Variants in PAPPA2 observed in about 807,000 individuals in gnomAD.
PAPPA2 encodes the protein pappalysin-2.
PAPPA2 carries 86 observed loss-of-function variants against 176.4 expected under a neutral mutation model. The ratio of observed to expected loss-of-function variants is 0.49; its 90% CI spans 0.41 to 0.58. The LOEUF is 0.58. Among genes scored for constraint, PAPPA2 ranks in the 20% least tolerant of loss-of-function variants. The pLI is 0.00. For synonymous variants in PAPPA2, 809 were observed against 852.2 expected (o/e 0.95, Z 0.88); for missense variants, 2,073 against 2,256.9 (o/e 0.92, Z 1.65).
chr1:176,648,590 A>G (rs12141051), intron 3 of PAPPA2, among the ~76,000 whole-genome samples: 10,061 of 151,554 alleles, frequency 0.066, 367 homozygotes, highest in South Asian at 0.14. Flanking sequence ...GGCTTTTATT[A>G]TTTTAAGGTA....
intron 4 of PAPPA2, among the ~76,000 whole-genome samples, chr1:176,688,044 C>T (rs919686578): frequency 5.9e-5 from 9 of 151,998 alleles, no homozygotes; most frequent in African/African-American, 2.2e-4. Context: ...TTTATGAACA[C>T]AATTTGGGAA....
chr1:176,755,820 T>C (rs1663388741), intron 14 of PAPPA2, among the ~76,000 whole-genome samples: 11 of 152,168 alleles, frequency 7.2e-5, no homozygotes, highest in Admixed American at 7.2e-4. Flanking sequence ...TGCTGTTGAC[T>C]GGAAGCATTA....
intron 1 of PAPPA2, among the ~76,000 whole-genome samples, chr1:176,486,022 G>C (rs1412155089): frequency 6.6e-6 from 1 of 152,198 alleles, no homozygotes; most frequent in East Asian, 1.9e-4. Context: ...GAAACTAATG[G>C]AAGTTAAGGG....
intron 17 of PAPPA2, among the ~76,000 whole-genome samples, chr1:176,781,224 T>C (rs1453594888): frequency 1.3e-5 from 2 of 151,900 alleles, no homozygotes; most frequent in Non-Finnish European, 2.9e-5. Context: ...TCTGGAGACA[T>C]AAGATTTAGA....
chr1:176,587,667 C>T (rs1653399065), intron 2 of PAPPA2, among the ~76,000 whole-genome samples: 1 of 152,150 alleles, frequency 6.6e-6, no homozygotes. Flanking sequence ...GGTAATAGGA[C>T]CATGCTGTGT....
intron 21 of PAPPA2, among the ~76,000 whole-genome samples, chr1:176,817,727 T>TA (rs60368860): frequency 1.3e-3 from 184 of 144,164 alleles, no homozygotes; most frequent in East Asian, 0.012. Flanking sequence ...TAACCTCTGT[T>TA]AAAAAAAAAA....
intron 2 of PAPPA2, among the ~76,000 whole-genome samples, chr1:176,591,304 G>T (rs191920146): frequency 1.0e-3 from 153 of 152,224 alleles, no homozygotes; most frequent in African/African-American, 3.4e-3. Flanking sequence ...CAGTCTGACT[G>T]GTGATCAAGG....
chr1:176,765,788 G>A lies in PAPPA2; in HGVS notation c.4274G>A (p.Arg1425Lys). The A allele has an allele frequency of 6.2e-7, 1 of 1,614,136 alleles. No individual in the cohort carries two copies. Among genetic ancestry groups the A allele is most frequent in the Non-Finnish European group, 8.5e-7 (1 of 1,180,022 alleles). The part of the protein sequence containing the change: ...GLMKCAITCQ[R>K]GFALQASSGQ... ...ATGAAGTGTGCTATCACTTGTCAAAGGGGATTTGCCCTTCAGGCCAGCAGT... is the reference window on the plus strand; with the variant it reads ...ATGAAGTGTGCTATCACTTGTCAAAAGGGATTTGCCCTTCAGGCCAGCAGT... The change falls in exon 15 of 23, where the codon AGG becomes AAG. Residue 1425 changes from arginine (R) to lysine (K), a missense_variant. By Grantham distance (26) the Arg-to-Lys change is conservative. Transcript: ENST00000367662.
chr1:176,708,099 A>G (rs1004919713), intron 10 of PAPPA2, among the ~76,000 whole-genome samples: 1 of 152,176 alleles, frequency 6.6e-6, no homozygotes, highest in African/African-American at 2.4e-5. Context: ...CGCATATTAA[A>G]TGCAATATAT....
At chr1:176,803,017 T>A (rs1382488293) in intron 21 of PAPPA2, among the ~76,000 whole-genome samples, 1 of 152,236 alleles carries the variant, frequency 6.6e-6, no homozygotes, top group Non-Finnish European at 1.5e-5. Context: ...AATCCAAAAT[T>A]GTTGGTACGT....
chr1:176,658,733 A>G (rs1329507424), intron 3 of PAPPA2, among the ~76,000 whole-genome samples: 1 of 152,084 alleles, frequency 6.6e-6, no homozygotes, highest in East Asian at 1.9e-4. Flanking sequence ...AATCAATGCT[A>G]TAGTGGTGCT....
chr1:176,662,529 A>G (rs1292960231), intron 3 of PAPPA2, among the ~76,000 whole-genome samples: 1 of 148,958 alleles, frequency 6.7e-6, no homozygotes, highest in Non-Finnish European at 1.5e-5. Context: ...AAAATTTATC[A>G]TTCTTTGCAC....
chr1:176,719,385 T>G lies in PAPPA2; in HGVS notation c.3798+7404T>G, dbSNP rs138420805. Among the ~76,000 whole-genome samples the G allele has an allele frequency of 7.6e-3, 1,157 of 152,294 alleles. 16 individuals carry two copies. The highest frequency in any genetic ancestry group is 0.026 in the African/African-American group (1,099 of 41,564). On this transcript the variant is annotated intron_variant, in intron 12 of 22. Coordinates refer to ENST00000367662, the MANE Select transcript of PAPPA2 (RefSeq NM_020318.3). ...AAAAACAAAACTTACGAAGAATACT[T>G]TAAACATTGTTTGCCTTTTCCTCAT...
chr1:176,630,809 G>C (rs935109752), intron 3 of PAPPA2, among the ~76,000 whole-genome samples: 8 of 152,186 alleles, frequency 5.3e-5, no homozygotes, highest in Non-Finnish European at 1.2e-4. Context: ...GCTCGTTTGG[G>C]AGTGGGAAGT....
At chr1:176,766,039 G>A (rs1015318670) in intron 15 of PAPPA2, among the ~76,000 whole-genome samples, 1 of 152,218 alleles carries the variant, frequency 6.6e-6, no homozygotes, top group African/African-American at 2.4e-5. Flanking sequence ...GATTAAGTGG[G>A]TTGGTGGGCA....
chr1:176,731,419 T>A lies in PAPPA2; in HGVS notation c.3799-8207T>A, dbSNP rs550789576. Among the ~76,000 whole-genome samples the A allele has an allele frequency of 2.0e-5, 3 of 151,882 alleles. No homozygotes were observed. The South Asian group carries it at 6.2e-4, about 32-fold the overall frequency. ...GGTTCAAGCAATTCTCTTTTCTCAG[T>A]CTCCCTAGTAGCTGGGATTATAGGT... On this transcript the variant is annotated intron_variant, in intron 12 of 22. Transcript: ENST00000367662.
At chr1:176,762,010 A>G (rs1373619202) in intron 14 of PAPPA2, among the ~76,000 whole-genome samples, 2 of 152,178 alleles carry the variant, frequency 1.3e-5, no homozygotes, top group African/African-American at 4.8e-5. Context: ...CAACAATCTC[A>G]CTCAGAGAAG....
At chr1:176,754,587 G>A (rs1663331918) in intron 14 of PAPPA2, among the ~76,000 whole-genome samples, 1 of 152,204 alleles carries the variant, frequency 6.6e-6, no homozygotes, top group Non-Finnish European at 1.5e-5. Context: ...TGGCCCTGCT[G>A]AAATGTAACC....
At chr1:176,640,393 A>G (rs1389304107) in intron 3 of PAPPA2, among the ~76,000 whole-genome samples, 1 of 128,888 alleles carries the variant, frequency 7.8e-6, no homozygotes, top group African/African-American at 3.0e-5. Context: ...CTTCCTGTGT[A>G]CATGTGTTCT....
Sources: allele counts gnomAD v4.1 joint callset (sites outside exome capture counted in the v4.1 genomes callset), GRCh38; gene constraint gnomAD v4.1.1; transcripts MANE v1.5; gene names NCBI Gene and HGNC (gene_info 2026-07-23, HGNC 2026-07-21).